The following CCDC117 variants were observed in gnomAD, a reference collection of about 807,000 sequenced individuals.
CCDC117 encodes the protein coiled-coil domain containing 117, also known as coiled-coil domain-containing protein 117.
CCDC117 carries 1 observed loss-of-function variant against 23.5 expected under a neutral mutation model. That is an observed-to-expected ratio of 0.04 (90% CI 0.02 to 0.20). The LOEUF is 0.20. Ranked by LOEUF, CCDC117 falls within the 10% of genes least tolerant of loss-of-function variation. The probability of loss-of-function intolerance (pLI) is 1.00; values close to 1 mark genes in which losing one functional copy is unlikely to be tolerated. For synonymous variants in CCDC117, 132 were observed against 124.8 expected, an observed-to-expected ratio of 1.06 and a Z score of -0.39; for missense variants, 383 against 348.2, an observed-to-expected ratio of 1.10 and a Z score of -0.80.
At chr22:28,783,152 C>T (rs1194964582) in intron 3 of CCDC117, among the ~76,000 whole-genome samples, 1 of 152,110 alleles carries the variant, frequency 6.6e-6, no homozygotes, top group Non-Finnish European at 1.5e-5. Flanking sequence ...AGTGATTCTC[C>T]TGCCTCAGCC....
At chr22:28,776,924 TGGCCA>T (rs139852618) in intron 2 of CCDC117, among the ~76,000 whole-genome samples, 1,595 of 152,264 alleles carry the variant, frequency 0.01, 33 homozygotes, top group African/African-American at 0.036. Flanking sequence ...TGTGCCATGT[TGGCCA>T]GGCTGGTCTA....
At chr22:28,779,769 C>A (rs987068235) in intron 2 of CCDC117, among the ~76,000 whole-genome samples, 14 of 152,268 alleles carry the variant, frequency 9.2e-5, no homozygotes, top group African/African-American at 3.1e-4. Flanking sequence ...CTTTGGCCCT[C>A]AGTTTAAAGA....
intron 4 of CCDC117, among the ~76,000 whole-genome samples, chr22:28,784,010 C>T (rs5752797): frequency 0.26 from 38,793 of 152,044 alleles, 5,720 homozygotes; most frequent in East Asian, 0.48. Context: ...AGGAACAACA[C>T]TGCGGCCTAG....
rs2031052433 is a variant in CCDC117 at position 28,773,242 on chromosome 22, CAT to C, written c.185+210_185+211del. On this transcript the variant is annotated intron_variant, in intron 1 of 4. Coordinates refer to ENST00000249064, the MANE Select transcript of CCDC117 (RefSeq NM_173510.4). Reference sequence around the variant, plus strand: ...GTTAACTGTAAGTCGCCGGGGGTCACATAGCCCAGGAGTCCGGTCCGAACCTC... The same window carrying C: ...GTTAACTGTAAGTCGCCGGGGGTCACAGCCCAGGAGTCCGGTCCGAACCTC... The C allele has an allele frequency of 1.9e-5, 3 of 161,854 alleles. No homozygotes were observed. In the Admixed American group the frequency reaches 1.9e-4, roughly 10 times the overall value. 10.0% of individuals were successfully genotyped at this position (161,854 alleles called of 1,614,324 possible).
chr22:28,776,837 G>A (rs965811679), intron 2 of CCDC117, among the ~76,000 whole-genome samples: 2 of 151,610 alleles, frequency 1.3e-5, no homozygotes, highest in African/African-American at 4.8e-5. Context: ...TCTCGCCTTG[G>A]CCTCCCAAAG....
rs1462853996 is a variant in CCDC117, at chr22:28,773,760, A to T, written c.221A>T (p.Glu74Val). 2 of 1,603,872 alleles carry T rather than the reference A, an allele frequency of 1.2e-6. No individual in the cohort carries two copies. The highest frequency in any genetic ancestry group is 2.2e-5 in the South Asian group (2 of 90,722). ...SVHCKKKHKREEEEDDDCPVR... is the reference protein window; with the variant it reads ...SVHCKKKHKRVEEEDDDCPVR... ...CACTGTAAAAAGAAACACAAGCGAGAGGAGGAGGAGGATGATGAGTAAGTT... is the reference window on the plus strand; with the variant it reads ...CACTGTAAAAAGAAACACAAGCGAGTGGAGGAGGAGGATGATGAGTAAGTT... The change falls in exon 2 of 5, where the codon GAG (glutamate) becomes GTG (valine). Residue 74 changes from glutamate to valine, a missense_variant. Transcript: ENST00000249064.
intron 2 of CCDC117, among the ~76,000 whole-genome samples, chr22:28,778,622 T>G (rs2031237967): frequency 6.6e-6 from 1 of 152,188 alleles, no homozygotes; most frequent in Admixed American, 6.5e-5. Context: ...ACAGGAAACT[T>G]TTTGCTTTTA....
intron 2 of CCDC117, among the ~76,000 whole-genome samples, chr22:28,777,034 G>GTTT (rs573843364): frequency 7.8e-5 from 10 of 128,418 alleles, no homozygotes; most frequent in African/African-American, 2.1e-4. Context: ...TACTGTAGCT[G>GTTT]TTTTTTTTTT....
Position 28,781,166 on chromosome 22 carries a change from AG to A in CCDC117, c.460del (p.Asp154ThrfsTer3). On this transcript the variant is annotated frameshift_variant, in exon 3 of 5. Transcript: ENST00000249064. LOFTEE classifies it high-confidence loss of function. ...EVARRKLQEI[E>X]DRIIDEDEEV... ...GCCCGAAGGAAGCTTCAGGAGATTG[AG>A]GACAGGTAAATGGGCAGTGTATATA... The A allele has an allele frequency of 6.2e-7, 1 of 1,608,728 alleles. No individual in the cohort carries two copies. The highest frequency in any genetic ancestry group is 8.5e-7 in the Non-Finnish European group (1 of 1,175,536).
At position 28,783,577 on chromosome 22, in the gene CCDC117, T is replaced by C. The variant is rs1398093243; in HGVS notation, c.534T>C (p.Ser178=). Reference sequence around the variant, plus strand: ...ACCATCTCCCCAGTCTTGTCCTTTCTGATACCATGAAAACAGGTTTGAAGA... The same window carrying C: ...ACCATCTCCCCAGTCTTGTCCTTTCCGATACCATGAAAACAGGTTTGAAGA... ...NVNHLPSLVL[S]DTMKTGLKRE... is the part of the protein sequence containing the mutation. The change falls in exon 4 of 5, where the codon TCT becomes TCC. Residue 178 remains serine (S), a synonymous_variant. Transcript: ENST00000249064. 2 of 1,613,600 alleles carry C rather than the reference T, an allele frequency of 1.2e-6. No homozygotes were observed. Among genetic ancestry groups the C allele is most frequent in the Non-Finnish European group, 1.7e-6 (2 of 1,179,648 alleles).
At chr22:28,776,649 A>G (rs377640458) in intron 2 of CCDC117, among the ~76,000 whole-genome samples, 30 of 150,070 alleles carry the variant, frequency 2.0e-4, no homozygotes, top group East Asian at 1.8e-3. Flanking sequence ...CAATGGTGCA[A>G]TCTCAGCTCA....
intron 2 of CCDC117, among the ~76,000 whole-genome samples, chr22:28,776,532 T>A (rs573607515): frequency 1.3e-5 from 2 of 152,036 alleles, no homozygotes; most frequent in South Asian, 4.1e-4. Flanking sequence ...GCGATTCTCC[T>A]GCCTCATCCT....
chr22:28,786,148 A>G lies in CCDC117; in HGVS notation c.662A>G (p.Lys221Arg). The G allele has an allele frequency of 3.7e-6, 6 of 1,614,118 alleles. No homozygotes were observed. Among genetic ancestry groups the G allele is most frequent in the Non-Finnish European group, 5.1e-6 (6 of 1,180,018 alleles). ...WKPLPELLSD[K>R]PKPSSNTKNY... Reference sequence around the variant, plus strand: ...CCCCTCCCTGAACTCCTTTCTGATAAGCCAAAGCCATCCTCTAATACTAAG... The same window carrying G: ...CCCCTCCCTGAACTCCTTTCTGATAGGCCAAAGCCATCCTCTAATACTAAG... Residue 221 changes from lysine to arginine, a missense_variant, in exon 5 of 5, where the codon AAG becomes AGG. Coordinates refer to ENST00000249064, the MANE Select transcript of CCDC117 (RefSeq NM_173510.4).
intron 2 of CCDC117, among the ~76,000 whole-genome samples, chr22:28,775,556 G>T (rs2031138050): frequency 1.3e-5 from 2 of 152,094 alleles, no homozygotes; most frequent in Non-Finnish European, 2.9e-5. Context: ...CTTCGGGATT[G>T]CTGCCCAACT....
At chr22:28,774,695 TC>T (rs1374917149) in intron 2 of CCDC117, among the ~76,000 whole-genome samples, 5 of 152,170 alleles carry the variant, frequency 3.3e-5, no homozygotes, top group African/African-American at 1.2e-4. Context: ...CCCCTAGTTT[TC>T]CCCACCAGAG....
intron 4 of CCDC117, 147 bp from the exon 5 acceptor site, chr22:28,785,940 AAG>A (rs1468128975): frequency 3.3e-6 from 2 of 606,722 alleles, no homozygotes; most frequent in South Asian, 2.2e-5. Context: ...AAAAAAAAAA[AAG>A]AAAGTAAAGA....
In CCDC117 at chr22:28,789,217, CTGT is replaced by C. The variant is rs1185162813; in HGVS notation, c.*2893_*2895del. ...AGTTCTAGGAATGTTCTGGAAGATG[CTGT>C]TAATTTTACTTTAAAATGAGAATCT... On this transcript the variant is annotated 3_prime_UTR_variant, in exon 5 of 5. Transcript: ENST00000249064. 1 of 152,112 alleles carries C rather than the reference CTGT, an allele frequency of 6.6e-6. No homozygotes were observed. The highest frequency in any genetic ancestry group is 1.5e-5 in the Non-Finnish European group (1 of 68,028). 9.4% of individuals were successfully genotyped at this position (152,112 alleles called of 1,614,324 possible). A position where few individuals can be genotyped will look rare whatever the true frequency, so the allele number is the denominator to read the frequency against.
intron 3 of CCDC117, among the ~76,000 whole-genome samples, chr22:28,782,250 C>G (rs1265228008): frequency 3.7e-5 from 3 of 80,320 alleles, no homozygotes; most frequent in Non-Finnish European, 6.7e-5. Flanking sequence ...TCTACTGAGC[C>G]TTTTTTTTTT....
intron 2 of CCDC117, among the ~76,000 whole-genome samples, chr22:28,778,350 G>GT (rs200760968): frequency 0.015 from 2,223 of 151,532 alleles, 53 homozygotes; most frequent in East Asian, 0.087. Flanking sequence ...GCTCATGCCT[G>GT]TAATCCTAGC....
Sources: allele counts gnomAD v4.1 joint callset (sites outside exome capture counted in the v4.1 genomes callset), GRCh38; gene constraint gnomAD v4.1.1; transcripts MANE v1.5; gene names NCBI Gene and HGNC (gene_info 2026-07-23, HGNC 2026-07-21).